Variants in CALN1 observed in about 807,000 individuals in gnomAD.
CALN1 encodes calneuron 1, also known as calcium-binding protein 8.
Under a neutral mutation model 30.6 loss-of-function variants are expected in CALN1, and 17 were observed. The observed-to-expected ratio is 0.56, with a 90% confidence interval of 0.38 to 0.83. CALN1 has a LOEUF of 0.83. Among genes scored for constraint, CALN1 ranks in the 40% least tolerant of loss-of-function variants. CALN1 has a pLI of 0.00. For missense variants in CALN1, 291 were observed against 354.9 expected (o/e 0.82, Z 1.45); for synonymous variants, 156 against 131.4 (o/e 1.19, Z -1.28).
intron 3 of CALN1, among the ~76,000 whole-genome samples, chr7:72,260,389 C>G (rs1315380782): frequency 1.3e-5 from 2 of 152,174 alleles, no homozygotes; most frequent in Non-Finnish European, 2.9e-5. Flanking sequence ...AACATCACTA[C>G]TCATAAACAC....
intron 3 of CALN1, among the ~76,000 whole-genome samples, chr7:72,186,591 T>C (rs1158320239): frequency 6.6e-6 from 1 of 152,140 alleles, no homozygotes; most frequent in Admixed American, 6.5e-5. Flanking sequence ...CCCACTCTGG[T>C]AGTCTCCAGT....
At chr7:72,451,301 GGAA>G (rs1302162062), upstream of CALN1, among the ~76,000 whole-genome samples, 3 of 146,640 alleles carry the variant, frequency 2.0e-5, no homozygotes, top group Admixed American at 6.9e-5. Flanking sequence ...GAAGAGAAGA[GGAA>G]GAAGAAGGAG....
At chr7:72,071,064 G>T (rs549739918) in intron 4 of CALN1, among the ~76,000 whole-genome samples, 1 of 152,302 alleles carries the variant, frequency 6.6e-6, no homozygotes, top group Non-Finnish European at 1.5e-5. Context: ...GGCTATTGAA[G>T]GCTTGCAACT....
intron 5 of CALN1, among the ~76,000 whole-genome samples, chr7:71,955,171 T>C (rs560851363): frequency 6.7e-6 from 1 of 150,108 alleles, no homozygotes; most frequent in Non-Finnish European, 1.5e-5. Context: ...CAGGAGAGAG[T>C]GAGAACCAAG....
chr7:71,801,861 C>T (rs1226170316), intron 6 of CALN1, among the ~76,000 whole-genome samples: 3 of 151,834 alleles, frequency 2.0e-5, no homozygotes, highest in Non-Finnish European at 4.4e-5. Context: ...GCCTGTAATC[C>T]CAGCTACTCA....
rs568369162 is a variant in CALN1 at position 72,337,110 on chromosome 7, G to A, written c.120-58300C>T. 5.1e-6 allele frequency: 5 copies of A among 985,596 alleles called. No homozygotes were observed. In the East Asian group the frequency reaches 3.4e-4, roughly 67 times the overall value. 61.1% of individuals were successfully genotyped at this position (985,596 alleles called of 1,614,324 possible). ...CCCATGTGCGCGGCTGCCTCGCTGC[G>A]CCCCGGAGCCCAGTGGCCGAGGCCC... On this transcript the variant is annotated intron_variant, in intron 2 of 6. Transcript: ENST00000395275.
At chr7:71,996,074 T>C (rs1312518033) in intron 5 of CALN1, among the ~76,000 whole-genome samples, 4 of 152,226 alleles carry the variant, frequency 2.6e-5, no homozygotes, top group Admixed American at 1.3e-4. Flanking sequence ...GGCTGGCTAA[T>C]AGAGCACCAT....
intron 2 of CALN1, chr7:72,336,842 C>T (rs1194275745): frequency 4.1e-6 from 4 of 984,986 alleles, no homozygotes; most frequent in Non-Finnish European, 4.8e-6. Context: ...CTCGCTCACA[C>T]CCCCAGCAGG....
At chr7:72,182,630 G>C (rs1007786337) in intron 3 of CALN1, among the ~76,000 whole-genome samples, 1 of 152,012 alleles carries the variant, frequency 6.6e-6, no homozygotes, top group African/African-American at 2.4e-5. Flanking sequence ...TGAGGCGGGA[G>C]AATGGCTTGA....
chr7:71,871,090 CAG>C (rs1289322753), intron 5 of CALN1, among the ~76,000 whole-genome samples: 1 of 152,088 alleles, frequency 6.6e-6, no homozygotes, highest in Non-Finnish European at 1.5e-5. Flanking sequence ...TGCAGGGAGG[CAG>C]AGAGATTCTC....
In CALN1 at chr7:72,045,810, G is replaced by A. The variant is rs191330028; in HGVS notation, c.389-22041C>T. On this transcript the variant is annotated intron_variant, in intron 4 of 6. Transcript: ENST00000395275. ...AGGTCAGGAGTTTGATACCAGCCTG[G>A]CCAACATGGTGAAACCCTGTCTCTA... Among the ~76,000 whole-genome samples, 250 of 152,094 alleles carry A rather than the reference G, an allele frequency of 1.6e-3. 2 individuals carry two copies. Among genetic ancestry groups the A allele is most frequent in the Middle Eastern group, 6.8e-3 (2 of 294 alleles).
At chr7:71,931,432 G>A (rs1463893911) in intron 5 of CALN1, among the ~76,000 whole-genome samples, 2 of 152,106 alleles carry the variant, frequency 1.3e-5, no homozygotes, top group Admixed American at 6.5e-5. Flanking sequence ...ACACCCAGTC[G>A]ATTTTTGTAT....
At chr7:72,327,107 C>A (rs905959450) in intron 2 of CALN1, among the ~76,000 whole-genome samples, 1 of 152,126 alleles carries the variant, frequency 6.6e-6, no homozygotes, top group Non-Finnish European at 1.5e-5. Context: ...ACAATGAAGC[C>A]CCCAAGCCCA....
intron 3 of CALN1, among the ~76,000 whole-genome samples, chr7:72,127,737 G>T (rs1808866406): frequency 6.6e-6 from 1 of 152,170 alleles, no homozygotes; most frequent in Non-Finnish European, 1.5e-5. Flanking sequence ...GTAGGGTGAT[G>T]GCAACATTTG....
intron 3 of CALN1, among the ~76,000 whole-genome samples, chr7:72,131,151 C>T (rs917983090): frequency 6.6e-6 from 1 of 152,096 alleles, no homozygotes; most frequent in African/African-American, 2.4e-5. Context: ...GCAGAAAAGC[C>T]AGCAGACCAT....
chr7:72,280,963 T>A (rs956497881), intron 2 of CALN1, among the ~76,000 whole-genome samples: 1 of 151,956 alleles, frequency 6.6e-6, no homozygotes, highest in Non-Finnish European at 1.5e-5. Flanking sequence ...GCCAACATGG[T>A]GAAACCCCAT....
intron 2 of CALN1, among the ~76,000 whole-genome samples, chr7:72,318,179 C>G (rs750713778): frequency 5.9e-5 from 9 of 152,182 alleles, no homozygotes; most frequent in Non-Finnish European, 8.8e-5. Flanking sequence ...AAATGATACT[C>G]AAGTCTTAAA....
At chr7:72,323,759 T>TTAGGCTGAGCACGGTGGCTCATGCCTG (rs1483713879) in intron 2 of CALN1, among the ~76,000 whole-genome samples, 1 of 152,088 alleles carries the variant, frequency 6.6e-6, no homozygotes, top group African/African-American at 2.4e-5. Context: ...AATTTGCAGT[T>TTAGGCTGAGCACGGTGGCTCATGCCTG]TAGGCTGAGC....
At chr7:72,371,790 T>C (rs1179626954) in intron 2 of CALN1, among the ~76,000 whole-genome samples, 1 of 152,236 alleles carries the variant, frequency 6.6e-6, no homozygotes, top group Non-Finnish European at 1.5e-5. Context: ...CTTTGCATCT[T>C]AGTCCAGGAA....
Sources: gnomAD v4.1 joint callset for allele counts (sites outside exome capture counted in the v4.1 genomes callset) on GRCh38, gnomAD v4.1.1 for gene constraint, MANE v1.5 for transcripts, NCBI Gene and HGNC (gene_info 2026-07-23, HGNC 2026-07-21) for gene names.